Variants in VCL observed in about 807,000 individuals in gnomAD.
VCL encodes epididymis luminal protein 114.
In VCL, 47 loss-of-function variants were observed where a neutral mutation model predicts 125.7. The observed-to-expected ratio is 0.37, with a 90% CI of 0.30 to 0.48. The LOEUF (loss-of-function observed/expected upper bound fraction) is 0.48, where lower values mean the gene tolerates loss of function less well. Among genes scored for constraint, VCL ranks in the 20% least tolerant of loss-of-function variants. The probability of loss-of-function intolerance (pLI) is 0.99; values close to 1 mark genes in which losing one functional copy is unlikely to be tolerated. For missense variants in VCL, 1,069 were observed against 1,455.5 expected, an observed-to-expected ratio of 0.73 and a Z score of 4.32; for synonymous variants, 458 against 514.6, an observed-to-expected ratio of 0.89 and a Z score of 1.49.
chr10:74,019,150 A>T (rs1217540473), intron 1 of VCL, among the ~76,000 whole-genome samples: 1 of 152,216 alleles, frequency 6.6e-6, no homozygotes, highest in Non-Finnish European at 1.5e-5. Flanking sequence ...CAGTTTACGT[A>T]TGTGCAAGTA....
At chr10:74,091,790 G>GTA (rs1839889295) in intron 10 of VCL, among the ~76,000 whole-genome samples, 2 of 7,138 alleles carry the variant, frequency 2.8e-4, no homozygotes, top group Non-Finnish European at 6.2e-4. Flanking sequence ...CTCTGTCTCA[G>GTA]CAAAAAAAAA....
At chr10:74,095,163 A>C (rs576755495) in intron 11 of VCL, among the ~76,000 whole-genome samples, 1 of 152,362 alleles carries the variant, frequency 6.6e-6, no homozygotes, top group African/African-American at 2.4e-5. Context: ...GAAGTTGCAT[A>C]CAGGAATATA....
chr10:74,017,117 G>A (rs1233363218), intron 1 of VCL, among the ~76,000 whole-genome samples: 1 of 138,574 alleles, frequency 7.2e-6, no homozygotes, highest in Admixed American at 7.4e-5. Flanking sequence ...GCGGGATCTC[G>A]GCTCACTGCA....
chr10:74,114,432 T>TGTGTGC, intron 20 of VCL, 45 bp downstream of exon 20: 5 of 1,537,290 alleles, frequency 3.3e-6, no homozygotes, highest in South Asian at 1.1e-5. Flanking sequence ...TGTGTGTGTG[T>TGTGTGC]GTGTGCGTGT....
At chr10:74,025,483 G>A (rs1840753537) in intron 1 of VCL, among the ~76,000 whole-genome samples, 1 of 151,842 alleles carries the variant, frequency 6.6e-6, no homozygotes, top group South Asian at 2.1e-4. Context: ...GTGTGGTGGT[G>A]TGCGTCTATA....
At chr10:74,004,197 A>G in intron 1 of VCL, among the ~76,000 whole-genome samples, 1 of 152,282 alleles carries the variant, frequency 6.6e-6, no homozygotes, top group East Asian at 1.9e-4. Context: ...TGTATTTTCC[A>G]ATTTTTGAAA....
chr10:74,103,717 C>A, intron 14 of VCL, 103 bp from the exon 15 acceptor site: 1 of 1,104,892 alleles, frequency 9.1e-7, no homozygotes, highest in Non-Finnish European at 1.4e-6. Flanking sequence ...CACTTTCTGG[C>A]TTTACAGTGC....
chr10:74,070,585 T>C (rs1248760665), intron 2 of VCL, 85 bp from the exon 3 acceptor site: 5 of 1,576,008 alleles, frequency 3.2e-6, no homozygotes, highest in Non-Finnish European at 4.3e-6. Flanking sequence ...ACTGTGAATT[T>C]ACATGCATAT....
chr10:74,021,090 T>C (rs551702964), intron 1 of VCL, among the ~76,000 whole-genome samples: 162 of 152,202 alleles, frequency 1.1e-3, no homozygotes, highest in African/African-American at 3.6e-3. Flanking sequence ...CGTTATTGTT[T>C]GTACTCTTCC....
chr10:74,043,733 T>A (rs922434827), intron 2 of VCL, among the ~76,000 whole-genome samples: 1 of 152,206 alleles, frequency 6.6e-6, no homozygotes, highest in African/African-American at 2.4e-5. Context: ...CCACTGTGAC[T>A]ATAGCATGCA....
rs3862497 is a variant in VCL, at chr10:74,012,968, G to A, written c.168+14593G>A. Among the ~76,000 whole-genome samples the A allele has an allele frequency of 1.0e-2, 1,514 of 151,958 alleles. 19 individuals carry two copies. Among genetic ancestry groups the A allele is most frequent in the African/African-American group, 0.034 (1,402 of 41,392 alleles). ...TTTCCTTATTATGCTTATCACAATT[G>A]TAATTAATTATTTGTGTGATTATTC... On this transcript the variant is annotated intron_variant, in intron 1 of 21. Coordinates refer to ENST00000211998, the MANE Select transcript of VCL (RefSeq NM_014000.3).
At chr10:74,063,120 C>G (rs1197143622) in intron 2 of VCL, among the ~76,000 whole-genome samples, 1 of 152,202 alleles carries the variant, frequency 6.6e-6, no homozygotes, top group East Asian at 1.9e-4. Context: ...TCTTGAACTC[C>G]TGGCCTCAAG....
chr10:74,045,438 C>T (rs912835511), intron 2 of VCL, among the ~76,000 whole-genome samples: 9 of 151,920 alleles, frequency 5.9e-5, no homozygotes, highest in Admixed American at 3.3e-4. Flanking sequence ...GCCTGGCCAA[C>T]ATGGTGAAAC....
chr10:74,088,851 A>G (rs902828617), intron 8 of VCL, among the ~76,000 whole-genome samples: 1 of 152,218 alleles, frequency 6.6e-6, no homozygotes, highest in Non-Finnish European at 1.5e-5. Context: ...TACTATGGTA[A>G]CAAAGCCCTC....
At chr10:74,091,150 C>A (rs1160482410) in intron 10 of VCL, among the ~76,000 whole-genome samples, 1 of 152,158 alleles carries the variant, frequency 6.6e-6, no homozygotes, top group Admixed American at 6.5e-5. Context: ...AAAACCCCTG[C>A]AGCACATGCT....
chr10:74,016,132 A>G (rs1228421408), intron 1 of VCL, among the ~76,000 whole-genome samples: 1 of 152,126 alleles, frequency 6.6e-6, no homozygotes, highest in Non-Finnish European at 1.5e-5. Flanking sequence ...CATCCAGCCT[A>G]AATGACAGTC....
At chr10:74,008,690 A>G (rs879300055) in intron 1 of VCL, among the ~76,000 whole-genome samples, 4 of 152,158 alleles carry the variant, frequency 2.6e-5, no homozygotes, top group African/African-American at 4.8e-5. Context: ...CCTTTAGGTC[A>G]TGGTTCCGAC....
chr10:74,010,576 T>G (rs377230956), intron 1 of VCL, among the ~76,000 whole-genome samples: 6 of 152,166 alleles, frequency 3.9e-5, no homozygotes, highest in African/African-American at 1.4e-4. Flanking sequence ...TCCAAACCAA[T>G]TTATGTTTCT....
chr10:74,062,279 G>A (rs1841493943), intron 2 of VCL, among the ~76,000 whole-genome samples: 2 of 151,456 alleles, frequency 1.3e-5, no homozygotes, highest in African/African-American at 4.9e-5. Context: ...TGCCCAGGCT[G>A]GTCTTGAACT....
Sources: allele counts gnomAD v4.1 joint callset (sites outside exome capture counted in the v4.1 genomes callset), GRCh38; gene constraint gnomAD v4.1.1; transcripts MANE v1.5; gene names NCBI Gene and HGNC (gene_info 2026-07-23, HGNC 2026-07-21).